The following HEPH variants were observed in gnomAD, a reference collection of about 807,000 sequenced individuals.
HEPH encodes the protein hephaestin.
HEPH carries 69 observed loss-of-function variants against 80.8 expected under a neutral mutation model. The ratio of observed to expected loss-of-function variants is 0.85; its 90% CI spans 0.70 to 1.04. The LOEUF is 1.04. Ranked by LOEUF, HEPH falls within the 50% of genes least tolerant of loss-of-function variation. HEPH has a pLI of 0.00. For synonymous variants in HEPH, 431 were observed against 322.8 expected (o/e 1.34, Z -3.60); for missense variants, 1,115 against 891.3 (o/e 1.25, Z -3.20).
At chrX:66,216,628 G>C (rs1015973741) in intron 15 of HEPH, among the ~76,000 whole-genome samples, 6 of 111,480 alleles carry the variant, frequency 5.4e-5, no homozygotes, top group Non-Finnish European at 7.5e-5. Flanking sequence ...GAAGGAATTG[G>C]AACACCAATT....
intron 15 of HEPH, among the ~76,000 whole-genome samples, chrX:66,234,933 A>G (rs1467539215): frequency 1.8e-5 from 2 of 109,389 alleles, no homozygotes; most frequent in African/African-American, 3.3e-5. Context: ...ACAGGCGTGA[A>G]CCACCACACC....
chrX:66,259,300 G>A (rs753416752), intron 18 of HEPH, among the ~76,000 whole-genome samples: 29 of 111,860 alleles, frequency 2.6e-4, no homozygotes, highest in African/African-American at 9.4e-4. Context: ...AGGAATTTCA[G>A]AGTGGCATCT....
In HEPH at chrX:66,256,211, T is replaced by C. The variant is rs1223288866; in HGVS notation, c.2777T>C (p.Leu926Ser). The C allele has an allele frequency of 8.3e-7, 1 of 1,210,924 alleles. No homozygotes were observed. The highest frequency in any genetic ancestry group is 2.2e-5 in the Admixed American group (1 of 45,995). The change falls in exon 17 of 21, where the codon TTG becomes TCG. Residue 926 changes from leucine (L) to serine (S), a missense_variant. By Grantham distance (145) the Leu-to-Ser change is moderately radical (BLOSUM62 -2). Around this residue, in one of 3 missense-constraint regions of HEPH, gnomAD observed 716 missense variants for 523.5 expected, o/e 1.37. Coordinates refer to ENST00000343002, the MANE Select transcript of HEPH (RefSeq NM_001367233.3). ...GATCGGGAATTTGCATTGTTGTTCT[T>C]GATTTTTGATGAAAATAAGTCTTGG... ...DMDREFALLFLIFDENKSWYL... is the reference protein window; with the variant it reads ...DMDREFALLFSIFDENKSWYL...
rs368884963 is a variant in HEPH, at chrX:66,199,930, GGTGT to G, written c.1865-595_1865-592del. On this transcript the variant is annotated intron_variant, in intron 11 of 20. Coordinates refer to ENST00000343002, the MANE Select transcript of HEPH (RefSeq NM_001367233.3). The stretch of plus-strand genomic sequence containing the variant: ...AGAAAAATAGAGCTCACAGGACAAT[GGTGT>G]GTGTGTGTGTGTGTATGGAAGAGGA... Among the ~76,000 whole-genome samples the G allele has an allele frequency of 6.2e-3, 676 of 108,634 alleles. 5 individuals carry two copies. The highest frequency in any genetic ancestry group is 0.02 in the African/African-American group (607 of 29,764). 94.3% of individuals were successfully genotyped at this position (108,634 alleles called of 115,157 possible). A position where few individuals can be genotyped will look rare whatever the true frequency, so the allele number is the denominator to read the frequency against.
At chrX:66,233,438 G>A (rs1020720910) in intron 15 of HEPH, among the ~76,000 whole-genome samples, 2 of 111,597 alleles carry the variant, frequency 1.8e-5, no homozygotes, top group Admixed American at 9.6e-5. Flanking sequence ...TTGGCTGAGA[G>A]TGTTGCTCTT....
At chrX:66,262,247 G>C (rs1019999999) in intron 19 of HEPH, among the ~76,000 whole-genome samples, 1 of 112,205 alleles carries the variant, frequency 8.9e-6, no homozygotes, top group African/African-American at 3.2e-5. Context: ...CAGGGAATGA[G>C]AATCAGAGCT....
chrX:66,263,432 G>A lies in HEPH; in HGVS notation c.3200-212G>A, dbSNP rs775433018. Among the ~76,000 whole-genome samples the A allele has an allele frequency of 8.0e-5, 9 of 111,858 alleles. No homozygotes were observed. In the South Asian group the frequency reaches 2.3e-3, roughly 28 times the overall value. The stretch of plus-strand genomic sequence containing the variant: ...GGGTGATTTACATTTTGGACTCCAA[G>A]CCTGTTCTCTTGCCCATATTTCATG... On this transcript the variant is annotated intron_variant, in intron 19 of 20. Coordinates refer to ENST00000343002, the MANE Select transcript of HEPH (RefSeq NM_001367233.3).
At chrX:66,234,135 C>T (rs937935682) in intron 15 of HEPH, among the ~76,000 whole-genome samples, 11 of 110,847 alleles carry the variant, frequency 9.9e-5, no homozygotes, top group Non-Finnish European at 1.7e-4. Context: ...TCATTTAGCT[C>T]CCACTTATAA....
chrX:66,264,549 C>T (rs759835134), intron 20 of HEPH, among the ~76,000 whole-genome samples: 2 of 108,910 alleles, frequency 1.8e-5, no homozygotes, highest in Non-Finnish European at 3.8e-5. Flanking sequence ...TTCTCCACCT[C>T]ATTTGTCTCT....
At chrX:66,186,226 TC>T (rs1427647194) in intron 4 of HEPH, among the ~76,000 whole-genome samples, 1 of 100,154 alleles carries the variant, frequency 1.0e-5, no homozygotes, top group Non-Finnish European at 2.0e-5. Flanking sequence ...TGTGGTGGGC[TC>T]CCCCCAGTTC....
rs377272976 is a variant in HEPH, at chrX:66,200,617, G to A, written c.1942G>A (p.Gly648Ser). ...KGDTVAWHLL[G>S]LGTETDVHGV... ...TGACACAGTGGCCTGGCACCTGCTC[G>A]GCCTGGGCACAGAGACTGATGTGCA... is the stretch of plus-strand genomic sequence containing the variant. The change falls in exon 12 of 21, where the codon GGC (glycine) becomes AGC (serine). Residue 648 changes from glycine (G) to serine (S), a missense_variant. By Grantham distance (56) the Gly-to-Ser change is moderately conservative. Transcript: ENST00000343002. The A allele has an allele frequency of 1.4e-5, 17 of 1,208,721 alleles. No individual in the cohort carries two copies. The highest frequency in any genetic ancestry group is 1.1e-4 in the African/African-American group (6 of 56,995).
chrX:66,162,787 C>A (rs2086235363), upstream of HEPH: 1 of 1,154,191 alleles, frequency 8.7e-7, no homozygotes, highest in South Asian at 1.9e-5. Flanking sequence ...CTGGACCCTG[C>A]TCCAGACACT....
chrX:66,244,741 T>G (rs956053101), intron 15 of HEPH, among the ~76,000 whole-genome samples: 1 of 111,344 alleles, frequency 9.0e-6, no homozygotes, highest in Non-Finnish European at 1.9e-5. Flanking sequence ...CTTTTTGAGT[T>G]TTCAGAGTTT....
intron 15 of HEPH, among the ~76,000 whole-genome samples, chrX:66,240,221 G>A (rs1441250285): frequency 1.8e-5 from 2 of 111,464 alleles, no homozygotes. Flanking sequence ...CTCTTTATTG[G>A]CCTTATCAGG....
intron 15 of HEPH, among the ~76,000 whole-genome samples, chrX:66,216,332 A>G (rs2089395003): frequency 8.9e-6 from 1 of 112,065 alleles, no homozygotes; most frequent in African/African-American, 3.2e-5. Flanking sequence ...TACATAGTCC[A>G]CTTCACTCCC....
intron 15 of HEPH, among the ~76,000 whole-genome samples, chrX:66,243,414 T>C (rs2090682525): frequency 1.8e-5 from 2 of 112,603 alleles, no homozygotes; most frequent in Admixed American, 1.9e-4. Flanking sequence ...TTTACCATTA[T>C]GGAATGCTCT....
Position 66,266,555 on chromosome X carries a change from G to C in HEPH, c.3360G>C (p.Leu1120=). ...SVLVAISVTL[L]LVVLALGGVV... is the part of the protein sequence containing the mutation. ...TGGTTGCCATTAGTGTCACCCTTCT[G>C]CTCGTTGTTCTGGCTCTTGGTGGAG... The change falls in exon 21 of 21, where the codon CTG becomes CTC. Residue 1120 remains leucine (L), a synonymous_variant. Coordinates refer to ENST00000343002, the MANE Select transcript of HEPH (RefSeq NM_001367233.3). The C allele has an allele frequency of 8.3e-7, 1 of 1,210,139 alleles. No homozygotes were observed.
At chrX:66,253,794 G>T (rs751265333) in intron 15 of HEPH, among the ~76,000 whole-genome samples, 27 of 111,621 alleles carry the variant, frequency 2.4e-4, no homozygotes, top group Admixed American at 9.5e-5. Context: ...TGCTACAAAG[G>T]GGGTGGACAA....
At chrX:66,167,293 T>C (rs2086413060) in intron 1 of HEPH, among the ~76,000 whole-genome samples, 1 of 111,748 alleles carries the variant, frequency 8.9e-6, no homozygotes, top group Admixed American at 9.5e-5. Context: ...CTGCTAGGGG[T>C]ATGTTAGGTG....
Sources: gnomAD v4.1 joint callset for allele counts (sites outside exome capture counted in the v4.1 genomes callset) on GRCh38, gnomAD v4.1.1 for gene constraint, gnomAD v4.1.1 regional missense constraint, MANE v1.5 for transcripts, NCBI Gene and HGNC (gene_info 2026-07-23, HGNC 2026-07-21) for gene names.